AHCTF1: variants seen among roughly 807,000 people sequenced by gnomAD.
AHCTF1 encodes AT-hook containing transcription factor 1.
Under a neutral mutation model 248.4 loss-of-function variants are expected in AHCTF1, and 24 were observed. The observed-to-expected ratio is 0.10, with a 90% CI of 0.07 to 0.14. The LOEUF is 0.14. AHCTF1 is among the 10% of genes least tolerant of loss of function. AHCTF1 has a pLI of 1.00. For missense variants in AHCTF1, 2,206 were observed against 2,636.2 expected (o/e 0.84, Z 3.57); for synonymous variants, 786 against 929.8 (o/e 0.85, Z 2.81).
chr1:246,861,363 C>A, intron 28 of AHCTF1, 68 bp from the exon 29 acceptor site: 9 of 1,331,360 alleles, frequency 6.8e-6, no homozygotes, highest in Non-Finnish European at 9.2e-6. Context: ...CCTAAGCTAC[C>A]CATCCCAATC....
chr1:246,913,083 A>T (rs991791831), intron 4 of AHCTF1, 149 bp downstream of exon 4: 1 of 677,900 alleles, frequency 1.5e-6, no homozygotes, highest in Non-Finnish European at 2.3e-6. Flanking sequence ...ACAATAAAAA[A>T]GATTTTAAAA....
chr1:246,861,314 A>C lies in AHCTF1; in HGVS notation c.3736-19T>G. On this transcript the variant is annotated intron_variant, in intron 28 of 35. Coordinates refer to ENST00000648844, the MANE Select transcript of AHCTF1 (RefSeq NM_001323342.2). ...CTGCAGCCTGTAAAGTAAGATTTTG[A>C]AAAGAAAAAAATTAGTAAATATCAC... The C allele has an allele frequency of 6.3e-7, 1 of 1,577,104 alleles. No homozygotes were observed. The highest frequency in any genetic ancestry group is 1.8e-5 in the Admixed American group (1 of 55,988).
In AHCTF1 at chr1:246,888,450, T is replaced by G. The variant is rs1409140715; in HGVS notation, c.2212A>C (p.Lys738Gln). 1.9e-6 allele frequency: 3 copies of G among 1,613,304 alleles called. No homozygotes were observed. The part of the protein sequence containing the change: ...LVSQLGERIE[K>Q]LWKRDEGGTG... The stretch of plus-strand genomic sequence containing the variant: ...CCTCCTTCATCTCGTTTCCACAACT[T>G]CTCAATTCGCTCTCCTAACTGAGAA... The change falls in exon 18 of 36, where the codon AAG (lysine) becomes CAG (glutamine). Residue 738 changes from lysine to glutamine, a missense_variant. By Grantham distance (53) the Lys-to-Gln change is moderately conservative (BLOSUM62 1). Coordinates refer to ENST00000648844, the MANE Select transcript of AHCTF1 (RefSeq NM_001323342.2).
intron 17 of AHCTF1, 118 bp from the exon 18 acceptor site, chr1:246,888,635 A>G: frequency 8.0e-7 from 1 of 1,249,418 alleles, no homozygotes; most frequent in East Asian, 2.6e-5. Flanking sequence ...GAGGCTGGGC[A>G]TGGTGGCTTA....
intron 24 of AHCTF1, among the ~76,000 whole-genome samples, chr1:246,869,003 C>CAT (rs1558231912): frequency 1.3e-5 from 2 of 151,546 alleles, no homozygotes; most frequent in African/African-American, 4.9e-5. Flanking sequence ...CGCCACCATG[C>CAT]CTGGCTAACT....
At chr1:246,846,818 G>A (rs1199315657) in intron 33 of AHCTF1, among the ~76,000 whole-genome samples, 1 of 152,004 alleles carries the variant, frequency 6.6e-6, no homozygotes, top group Non-Finnish European at 1.5e-5. Context: ...ACAGTGGTGT[G>A]ATGGCTCACT....
rs749498949 is a variant in AHCTF1, at chr1:246,843,949, T to G, written c.6392-21A>C. On this transcript the variant is annotated intron_variant, in intron 33 of 35. Coordinates refer to ENST00000648844, the MANE Select transcript of AHCTF1 (RefSeq NM_001323342.2). ...TTTAGCTAAAAAAAGTTGAAAAAAC[T>G]GTATCTGTATCTTTATATATGTGTG... 6 of 1,382,204 alleles carry G rather than the reference T, an allele frequency of 4.3e-6. No homozygotes were observed. The Admixed American group carries it at 7.9e-5, about 18-fold the overall frequency. The allele number at this position is 1,382,204 out of a possible 1,614,324, so 85.6% of individuals were successfully genotyped here.
intron 14 of AHCTF1, among the ~76,000 whole-genome samples, chr1:246,894,209 A>G (rs529005024): frequency 4.7e-4 from 71 of 152,352 alleles, no homozygotes; most frequent in African/African-American, 1.6e-3. Flanking sequence ...TCTCAAAAAA[A>G]AAAATTACTT....
intron 2 of AHCTF1, among the ~76,000 whole-genome samples, chr1:246,917,237 C>G (rs1666212005): frequency 1.3e-5 from 2 of 152,160 alleles, no homozygotes; most frequent in Non-Finnish European, 2.9e-5. Context: ...AGAGGGAGAA[C>G]TAATTGGATT....
At chr1:246,928,302 CAAAA>C (rs35687457) in intron 1 of AHCTF1, among the ~76,000 whole-genome samples, 4 of 94,216 alleles carry the variant, frequency 4.2e-5, no homozygotes, top group Admixed American at 1.1e-4. Context: ...GACTCCGTCT[CAAAA>C]AAAAAAAAAA....
chr1:246,902,625 C>T lies in AHCTF1; in HGVS notation c.1017G>A (p.Met339Ile). 6.2e-7 allele frequency: 1 copy of T among 1,613,256 alleles called. No homozygotes were observed. Residue 339 changes from methionine to isoleucine, a missense_variant, in exon 8 of 36, where the codon ATG becomes ATA. Around this residue, in one of 6 missense-constraint regions of AHCTF1, gnomAD observed 650 missense variants for 870.8 expected, o/e 0.75. Coordinates refer to ENST00000648844, the MANE Select transcript of AHCTF1 (RefSeq NM_001323342.2). ...ERYTLDLTGG[M>I]FPLRGQTSNT... ...TACTCGTCTGTCCCCTCAAAGGGAA[C>T]ATGCCACCTGTCAGGTCCAGGGTGT... is the stretch of plus-strand genomic sequence containing the variant.
At chr1:246,923,077 A>G (rs2103246865) in intron 1 of AHCTF1, among the ~76,000 whole-genome samples, 1 of 146,362 alleles carries the variant, frequency 6.8e-6, no homozygotes, top group East Asian at 2.0e-4. Context: ...CCAAAGGAGA[A>G]TGAAGAAGAA....
intron 15 of AHCTF1, 75 bp from the exon 16 acceptor site, chr1:246,891,135 C>A: frequency 1.2e-6 from 1 of 837,766 alleles, no homozygotes; most frequent in Non-Finnish European, 1.8e-6. Context: ...AAATTAATCA[C>A]TTGGTAATTT....
chr1:246,867,380 G>A (rs1158404302), intron 25 of AHCTF1, 29 bp from the exon 26 acceptor site: 4 of 1,391,154 alleles, frequency 2.9e-6, no homozygotes, highest in African/African-American at 2.9e-5. Flanking sequence ...AACTTCTGAT[G>A]TATCACAAGG....
intron 31 of AHCTF1, among the ~76,000 whole-genome samples, chr1:246,855,274 T>A (rs950391268): frequency 3.0e-4 from 45 of 152,260 alleles, no homozygotes; most frequent in Non-Finnish European, 1.6e-4. Flanking sequence ...CATCTCTGTA[T>A]AGCCAGGGCC....
At chr1:246,927,323 T>C (rs1160659109) in intron 1 of AHCTF1, among the ~76,000 whole-genome samples, 1 of 152,110 alleles carries the variant, frequency 6.6e-6, no homozygotes, top group Non-Finnish European at 1.5e-5. Context: ...CCGTCTCTAC[T>C]AAAAACAAGA....
chr1:246,856,561 T>C (rs1359392545), intron 30 of AHCTF1, among the ~76,000 whole-genome samples: 1 of 151,762 alleles, frequency 6.6e-6, no homozygotes, highest in Non-Finnish European at 1.5e-5. Context: ...TCTCATGTGA[T>C]TCCTTCTCAT....
rs534579122 is a variant in AHCTF1 at position 246,930,976 on chromosome 1, A to G, written c.-8+602T>C. ...AACCAAAACAGTCAACCAGTGGCAA[A>G]AGAAACCGTCCTGTTTCCCAGGTAG... On this transcript the variant is annotated intron_variant, in intron 1 of 35. Coordinates refer to ENST00000648844, the MANE Select transcript of AHCTF1 (RefSeq NM_001323342.2). Among the ~76,000 whole-genome samples the G allele has an allele frequency of 3.4e-4, 52 of 152,306 alleles. 2 individuals carry two copies. The South Asian group carries it at 0.011, about 31-fold the overall frequency.
rs112484454 is a variant in AHCTF1, at chr1:246,906,412, T to TA, written c.765-756dup. Among the ~76,000 whole-genome samples, 1,299 of 144,462 alleles carry TA rather than the reference T, an allele frequency of 9.0e-3. 8 individuals are homozygous for TA. The highest frequency in any genetic ancestry group is 0.028 in the African/African-American group (1,112 of 39,508). The allele number at this position is 144,462 out of a possible 152,430, so 94.8% of individuals were successfully genotyped here. On this transcript the variant is annotated intron_variant, in intron 5 of 35. Coordinates refer to ENST00000648844, the MANE Select transcript of AHCTF1 (RefSeq NM_001323342.2). ...GACCAACAAGGTGAAAATCCGTCTCTAAAAAAAAAAAATACAAAAACTAGC... is the reference window on the plus strand; with the variant it reads ...GACCAACAAGGTGAAAATCCGTCTCTAAAAAAAAAAAAATACAAAAACTAGC...
Sources: allele counts gnomAD v4.1 joint callset (sites outside exome capture counted in the v4.1 genomes callset), GRCh38; gene constraint gnomAD v4.1.1; regional missense constraint gnomAD v4.1.1; transcripts MANE v1.5; gene names NCBI Gene and HGNC (gene_info 2026-07-23, HGNC 2026-07-21).